The following TSPAN5 variants were observed in gnomAD, a reference collection of about 807,000 sequenced individuals.
The protein encoded by TSPAN5 is tetraspanin-5.
In TSPAN5, 10 loss-of-function variants were observed where a neutral mutation model predicts 37.1. That is an observed-to-expected ratio of 0.27 (90% confidence interval 0.17 to 0.46). The LOEUF (loss-of-function observed/expected upper bound fraction) is 0.46, where lower values mean the gene tolerates loss of function less well. Among genes scored for constraint, TSPAN5 ranks in the 20% least tolerant of loss-of-function variants. The probability of loss-of-function intolerance (pLI) is 1.00; values close to 1 mark genes in which losing one functional copy is unlikely to be tolerated. For synonymous variants in TSPAN5, 110 were observed against 118.9 expected (o/e 0.93, Z 0.48); for missense variants, 195 against 326.6 (o/e 0.60, Z 3.11).
intron 1 of TSPAN5, among the ~76,000 whole-genome samples, chr4:98,575,532 T>C (rs998930540): frequency 2.0e-5 from 3 of 151,884 alleles, no homozygotes; most frequent in African/African-American, 7.3e-5. Context: ...TCTCTCTTTC[T>C]GCTAACGAGA....
chr4:98,596,609 G>T (rs1755758593), intron 1 of TSPAN5, among the ~76,000 whole-genome samples: 1 of 83,342 alleles, frequency 1.2e-5, no homozygotes, highest in South Asian at 5.6e-4. Context: ...GCTTCCTTCA[G>T]GAGCTCTTTT....
chr4:98,480,699 G>C (rs1450241904), intron 4 of TSPAN5, among the ~76,000 whole-genome samples: 1 of 152,098 alleles, frequency 6.6e-6, no homozygotes, highest in African/African-American at 2.4e-5. Context: ...TGCATTTCGA[G>C]GTGTGTCCAC....
chr4:98,473,335 C>T (rs1166260278), intron 7 of TSPAN5, among the ~76,000 whole-genome samples: 1 of 152,076 alleles, frequency 6.6e-6, no homozygotes, highest in African/African-American at 2.4e-5. Context: ...CTTGCCGATA[C>T]TTGTTATTGT....
chr4:98,543,334 T>C (rs921463475), intron 1 of TSPAN5, among the ~76,000 whole-genome samples: 1 of 152,098 alleles, frequency 6.6e-6, no homozygotes, highest in African/African-American at 2.4e-5. Context: ...GTGTAAATCA[T>C]ATCTGCACTT....
At chr4:98,587,210 G>A (rs535453480) in intron 1 of TSPAN5, among the ~76,000 whole-genome samples, 2 of 152,338 alleles carry the variant, frequency 1.3e-5, no homozygotes, top group East Asian at 1.9e-4. Context: ...TAGATGCTCT[G>A]GGGGACATGG....
chr4:98,570,056 A>AAG (rs1491232268), intron 1 of TSPAN5, among the ~76,000 whole-genome samples: 1 of 150,692 alleles, frequency 6.6e-6, no homozygotes, highest in African/African-American at 2.4e-5. Flanking sequence ...AATGAACACC[A>AAG]AGAGAGAGAG....
chr4:98,639,124 G>A (rs917659600), intron 1 of TSPAN5, among the ~76,000 whole-genome samples: 8 of 152,166 alleles, frequency 5.3e-5, no homozygotes, highest in Non-Finnish European at 1.2e-4. Context: ...CCATGGAGAA[G>A]TGTCTCCCAA....
chr4:98,570,096 A>G lies in TSPAN5; in HGVS notation c.82-62368T>C, dbSNP rs371270060. 5.8e-4 allele frequency among the ~76,000 whole-genome samples: 89 copies of G among 152,290 alleles called. 1 individual carries two copies. The highest frequency in any genetic ancestry group is 2.1e-3 in the African/African-American group (88 of 41,564). Reference sequence around the variant, plus strand: ...AAACTTTTTCAGCCAAAGGAAATCAATTTTCTTTAAACAGAAGAATCAATG... The same window carrying G: ...AAACTTTTTCAGCCAAAGGAAATCAGTTTTCTTTAAACAGAAGAATCAATG... On this transcript the variant is annotated intron_variant, in intron 1 of 7. Transcript: ENST00000305798.
At chr4:98,557,810 C>A (rs1012994849) in intron 1 of TSPAN5, among the ~76,000 whole-genome samples, 4 of 152,184 alleles carry the variant, frequency 2.6e-5, no homozygotes, top group African/African-American at 9.7e-5. Flanking sequence ...TGGCACTTAA[C>A]CTCTGTGGGT....
At chr4:98,533,962 A>AAAAAAAAAAAC (rs70955935) in intron 1 of TSPAN5, among the ~76,000 whole-genome samples, 1 of 147,164 alleles carries the variant, frequency 6.8e-6, no homozygotes, top group Non-Finnish European at 1.5e-5. Context: ...AAAAAAAAAA[A>AAAAAAAAAAAC]CCAGCTCCTG....
At chr4:98,540,743 A>C (rs1265126248) in intron 1 of TSPAN5, among the ~76,000 whole-genome samples, 1 of 152,154 alleles carries the variant, frequency 6.6e-6, no homozygotes, top group African/African-American at 2.4e-5. Flanking sequence ...GAGTTGAACA[A>C]AATGCCTTCT....
At chr4:98,491,021 C>T (rs535104670) in intron 2 of TSPAN5, among the ~76,000 whole-genome samples, 3 of 152,064 alleles carry the variant, frequency 2.0e-5, no homozygotes, top group African/African-American at 7.2e-5. Context: ...GATATCGCAC[C>T]ACTGCACTCC....
At chr4:98,627,798 G>A (rs1304082138) in intron 1 of TSPAN5, among the ~76,000 whole-genome samples, 1 of 152,156 alleles carries the variant, frequency 6.6e-6, no homozygotes, top group African/African-American at 2.4e-5. Context: ...AAATAATGAT[G>A]GGGTTGAAAA....
chr4:98,489,586 C>T (rs1457980471), intron 2 of TSPAN5, among the ~76,000 whole-genome samples: 1 of 152,174 alleles, frequency 6.6e-6, no homozygotes, highest in Non-Finnish European at 1.5e-5. Context: ...CCGTCCACCA[C>T]TGCTGATTGC....
At position 98,569,754 on chromosome 4, in the gene TSPAN5, G is replaced by C. The variant is rs144968369; in HGVS notation, c.82-62026C>G. 6.6e-5 allele frequency among the ~76,000 whole-genome samples: 10 copies of C among 152,324 alleles called. No homozygotes were observed. The East Asian group carries it at 1.7e-3, about 26-fold the overall frequency. ...AATTTGCTGAACCTGGATGTGATTT[G>C]AGATATGTTCATTTGAGATGACACC... On this transcript the variant is annotated intron_variant, in intron 1 of 7. Transcript: ENST00000305798.
At chr4:98,650,254 C>T (rs934315416) in intron 1 of TSPAN5, among the ~76,000 whole-genome samples, 8 of 152,084 alleles carry the variant, frequency 5.3e-5, no homozygotes, top group African/African-American at 1.9e-4. Flanking sequence ...AATTCAAAGC[C>T]ATTAGGTAGG....
chr4:98,487,153 G>A (rs1340225484), intron 2 of TSPAN5, among the ~76,000 whole-genome samples: 1 of 150,904 alleles, frequency 6.6e-6, no homozygotes, highest in Non-Finnish European at 1.5e-5. Context: ...AGGGAGGGAG[G>A]GGGGGATGGA....
At chr4:98,644,545 T>G (rs1757022520) in intron 1 of TSPAN5, among the ~76,000 whole-genome samples, 1 of 152,134 alleles carries the variant, frequency 6.6e-6, no homozygotes, top group Non-Finnish European at 1.5e-5. Flanking sequence ...TTAGGGTACA[T>G]GTGCACAATG....
chr4:98,486,710 A>T (rs577779683), intron 3 of TSPAN5, 28 bp downstream of exon 3: 1 of 1,613,700 alleles, frequency 6.2e-7, no homozygotes, highest in Non-Finnish European at 8.5e-7. Context: ...TTGGCTCTCA[A>T]TCTGAGAGTA....
Sources: allele counts gnomAD v4.1 joint callset (sites outside exome capture counted in the v4.1 genomes callset), GRCh38; gene constraint gnomAD v4.1.1; transcripts MANE v1.5; gene names NCBI Gene and HGNC (gene_info 2026-07-23, HGNC 2026-07-21).